Variants in ST6GAL2 observed in about 807,000 individuals in gnomAD.
ST6GAL2 encodes the protein beta-galactoside alpha-2,6-sialyltransferase 2.
ST6GAL2 carries 24 observed loss-of-function variants against 37.5 expected under a neutral mutation model. The ratio of observed to expected loss-of-function variants is 0.64; its 90% CI spans 0.46 to 0.90. The LOEUF is 0.90. Among genes scored for constraint, ST6GAL2 ranks in the 40% least tolerant of loss-of-function variants. The pLI is 0.00. For missense variants in ST6GAL2, 715 were observed against 712.7 expected (o/e 1.00, Z -0.04); for synonymous variants, 306 against 295.1 (o/e 1.04, Z -0.38).
chr2:106,878,105 C>A (rs1327996354), intron 1 of ST6GAL2, among the ~76,000 whole-genome samples: 2 of 152,354 alleles, frequency 1.3e-5, no homozygotes, highest in East Asian at 1.9e-4. Flanking sequence ...ACAGATGCCA[C>A]CCACCACGAC....
chr2:106,821,968 T>G (rs1021701009), intron 5 of ST6GAL2, among the ~76,000 whole-genome samples: 20 of 152,214 alleles, frequency 1.3e-4, no homozygotes, highest in African/African-American at 4.8e-4. Context: ...CATTTCATGA[T>G]AAAAACCTTC....
intron 1 of ST6GAL2, among the ~76,000 whole-genome samples, chr2:106,875,169 T>C (rs1678449110): frequency 6.8e-6 from 1 of 147,524 alleles, no homozygotes; most frequent in African/African-American, 2.5e-5. Flanking sequence ...TTACTTTTTT[T>C]GTTTCTTTTT....
intron 1 of ST6GAL2, among the ~76,000 whole-genome samples, chr2:106,881,008 T>C (rs935991038): frequency 6.6e-6 from 1 of 152,162 alleles, no homozygotes; most frequent in African/African-American, 2.4e-5. Flanking sequence ...TTTTCTGAGA[T>C]AGGGTCTCAC....
chr2:106,826,105 G>A (rs1404160874), intron 5 of ST6GAL2, among the ~76,000 whole-genome samples: 1 of 152,206 alleles, frequency 6.6e-6, no homozygotes, highest in Non-Finnish European at 1.5e-5. Flanking sequence ...TCCTAAGCAT[G>A]TATAAAGAAA....
chr2:106,808,238 C>G (rs1675489763), intron 5 of ST6GAL2, among the ~76,000 whole-genome samples: 1 of 152,036 alleles, frequency 6.6e-6, no homozygotes, highest in Admixed American at 6.5e-5. Context: ...AAAGGCTGCC[C>G]AAAGGTGGAG....
chr2:106,830,482 C>T (rs1170999928), intron 4 of ST6GAL2, among the ~76,000 whole-genome samples: 1 of 152,212 alleles, frequency 6.6e-6, no homozygotes, highest in Non-Finnish European at 1.5e-5. Context: ...GGAAAAGGGA[C>T]TAGATCACGG....
At chr2:106,848,099 C>T (rs539022072) in intron 1 of ST6GAL2, among the ~76,000 whole-genome samples, 106 of 146,928 alleles carry the variant, frequency 7.2e-4, no homozygotes, top group African/African-American at 2.5e-3. Flanking sequence ...CTGCAGTGTG[C>T]GGTGGCACGA....
At chr2:106,812,578 A>T (rs907930311) in intron 5 of ST6GAL2, among the ~76,000 whole-genome samples, 4 of 152,178 alleles carry the variant, frequency 2.6e-5, no homozygotes, top group Admixed American at 6.5e-5. Flanking sequence ...CTTCCCAAAA[A>T]ATCCAAGTTC....
At chr2:106,845,105 G>A (rs1034789334) in intron 1 of ST6GAL2, among the ~76,000 whole-genome samples, 13 of 152,186 alleles carry the variant, frequency 8.5e-5, no homozygotes, top group Non-Finnish European at 1.8e-4. Flanking sequence ...AATATTGGCT[G>A]GGTAAATGAT....
At chr2:106,856,649 A>G (rs145620195) in intron 1 of ST6GAL2, among the ~76,000 whole-genome samples, 2 of 152,172 alleles carry the variant, frequency 1.3e-5, no homozygotes, top group Admixed American at 6.6e-5. Context: ...CATTTTATGG[A>G]TGAGAAAAAT....
chr2:106,821,906 A>G (rs1310348286), intron 5 of ST6GAL2, among the ~76,000 whole-genome samples: 2 of 152,140 alleles, frequency 1.3e-5, no homozygotes, highest in East Asian at 1.9e-4. Flanking sequence ...AGGACAAAAA[A>G]CATATAATCA....
chr2:106,823,647 G>A (rs1227835138), intron 5 of ST6GAL2, among the ~76,000 whole-genome samples: 12 of 152,134 alleles, frequency 7.9e-5, no homozygotes, highest in Non-Finnish European at 1.5e-4. Context: ...TTGAGAGGAA[G>A]GTGTTGGCTG....
intron 1 of ST6GAL2, among the ~76,000 whole-genome samples, chr2:106,866,718 A>T (rs1678040965): frequency 6.6e-6 from 1 of 152,210 alleles, no homozygotes; most frequent in Non-Finnish European, 1.5e-5. Context: ...CCAAATGGTG[A>T]CACAGAAGGA....
At chr2:106,831,250 C>T (rs1401721677) in intron 4 of ST6GAL2, among the ~76,000 whole-genome samples, 2 of 152,184 alleles carry the variant, frequency 1.3e-5, no homozygotes, top group Admixed American at 6.5e-5. Flanking sequence ...GAGGGAGAGT[C>T]GCTCCTTTAC....
chr2:106,809,153 C>T (rs1055572586), intron 5 of ST6GAL2, among the ~76,000 whole-genome samples: 7 of 152,242 alleles, frequency 4.6e-5, no homozygotes, highest in African/African-American at 1.7e-4. Flanking sequence ...GGCTACAGAC[C>T]AAGTTGCTGT....
chr2:106,826,276 C>T (rs1249558630), intron 5 of ST6GAL2, among the ~76,000 whole-genome samples: 1 of 152,144 alleles, frequency 6.6e-6, no homozygotes, highest in Non-Finnish European at 1.5e-5. Flanking sequence ...ACAGTGCTGG[C>T]ATCTGCTTCT....
At chr2:106,858,457 G>T (rs1319678631) in intron 1 of ST6GAL2, among the ~76,000 whole-genome samples, 1 of 152,140 alleles carries the variant, frequency 6.6e-6, no homozygotes, top group Non-Finnish European at 1.5e-5. Context: ...AGGATAATTG[G>T]GGCAAAGGAA....
chr2:106,846,034 TCCAGCCGTC>T lies in ST6GAL2; in HGVS notation c.-57-2009_-57-2001del, dbSNP rs1250191746. Among the ~76,000 whole-genome samples the T allele has an allele frequency of 1.5e-4, 7 of 46,800 alleles. No homozygotes were observed. The East Asian group carries it at 7.4e-3, about 50-fold the overall frequency. 30.7% of individuals were successfully genotyped at this position (46,800 alleles called of 152,430 possible). ...AGATACCCAGCCAGCCCCAAGCTGT[TCCAGCCGTC>T]CCAGCCATCCCAGCCATCCCAGCCC... On this transcript the variant is annotated intron_variant, in intron 1 of 5. Transcript: ENST00000409382.
At chr2:106,865,035 C>T (rs756265666) in intron 1 of ST6GAL2, among the ~76,000 whole-genome samples, 2 of 152,064 alleles carry the variant, frequency 1.3e-5, no homozygotes, top group Non-Finnish European at 2.9e-5. Context: ...TGTTACTGAA[C>T]GGAACTGGGA....
Sources: gnomAD v4.1 joint callset for allele counts (sites outside exome capture counted in the v4.1 genomes callset) on GRCh38, gnomAD v4.1.1 for gene constraint, MANE v1.5 for transcripts, NCBI Gene and HGNC (gene_info 2026-07-23, HGNC 2026-07-21) for gene names.